CAPN3: variants seen among roughly 807,000 people sequenced by gnomAD.
CAPN3 encodes the protein calpain 3.
A neutral mutation model predicts 114.0 loss-of-function variants in CAPN3; 88 were observed. That is an observed-to-expected ratio of 0.77 (90% confidence interval 0.65 to 0.92). The LOEUF is 0.92. Among genes scored for constraint, CAPN3 ranks in the 40% least tolerant of loss-of-function variants. CAPN3 has a pLI of 0.00. For synonymous variants in CAPN3, 386 were observed against 382.9 expected, an observed-to-expected ratio of 1.01 and a Z score of -0.09; for missense variants, 1,028 against 1,069.0, an observed-to-expected ratio of 0.96 and a Z score of 0.53.
intron 6 of CAPN3, among the ~76,000 whole-genome samples, chr15:42,391,470 GGACTGAGATCTGGAAGA>G (rs1463070609): frequency 6.6e-6 from 1 of 152,148 alleles, no homozygotes; most frequent in East Asian, 1.9e-4. Context: ...TGGATCATGA[GGACTGAGATCTGGAAGA>G]GACTGAGATC....
chr15:42,399,754 T>C (rs1367253892), intron 10 of CAPN3, 102 bp downstream of exon 10: 1 of 1,029,566 alleles, frequency 9.7e-7, no homozygotes, highest in Non-Finnish European at 1.4e-6. Context: ...AGACGTCCAC[T>C]ATCTTATTAA....
intron 3 of CAPN3, among the ~76,000 whole-genome samples, chr15:42,387,408 G>T (rs759814613): frequency 2.0e-5 from 3 of 152,200 alleles, no homozygotes; most frequent in Non-Finnish European, 4.4e-5. Context: ...GGGGGCACCT[G>T]AGAGTGCTGA....
At chr15:42,406,064 C>G in intron 15 of CAPN3, 121 bp downstream of exon 15, 1 of 886,862 alleles carries the variant, frequency 1.1e-6, no homozygotes, top group Admixed American at 1.8e-5. Context: ...CTTCCTCCCC[C>G]TCCTTCCTGA....
intron 10 of CAPN3, among the ~76,000 whole-genome samples, 156 bp from the exon 11 acceptor site, chr15:42,401,485 C>CCCCT (rs1555422043): frequency 7.1e-5 from 9 of 127,114 alleles, no homozygotes; most frequent in African/African-American, 2.8e-4. Context: ...CCCCCCCCCC[C>CCCCT]CCAAATCATT....
At chr15:42,365,650 C>A (rs1429880942) in intron 1 of CAPN3, among the ~76,000 whole-genome samples, 1 of 152,178 alleles carries the variant, frequency 6.6e-6, no homozygotes, top group African/African-American at 2.4e-5. Flanking sequence ...GGGCCCCACC[C>A]GTTCCCAGCT....
chr15:42,383,672 T>A (rs2053307325), intron 1 of CAPN3, among the ~76,000 whole-genome samples: 1 of 151,646 alleles, frequency 6.6e-6, no homozygotes, highest in Non-Finnish European at 1.5e-5. Context: ...ATTATTATTA[T>A]TATTATTTTG....
intron 1 of CAPN3, among the ~76,000 whole-genome samples, chr15:42,382,829 G>GAA (rs1440675043): frequency 6.6e-6 from 1 of 152,136 alleles, no homozygotes; most frequent in Non-Finnish European, 1.5e-5. Flanking sequence ...ATTTTTCTGT[G>GAA]AATGGTTATG....
rs35924291 is a variant in CAPN3 at position 42,401,473 on chromosome 15, G to GC, written c.1355-154dup. 5.9e-3 allele frequency among the ~76,000 whole-genome samples: 429 copies of GC among 72,834 alleles called. 18 individuals are homozygous for GC. Among genetic ancestry groups the GC allele is most frequent in the South Asian group, 0.011 (15 of 1,312 alleles). The allele number at this position is 72,834 out of a possible 152,430, so 47.8% of individuals were successfully genotyped here. ...ACAGCTCCATCTGAATAAAGGTAGC[G>GC]CCCCCCCCCCCCCCAAATCATTAGA... On this transcript the variant is annotated intron_variant, in intron 10 of 23. Transcript: ENST00000397163.
chr15:42,398,635 A>ATG (rs2053773294), intron 9 of CAPN3, among the ~76,000 whole-genome samples: 1 of 142,744 alleles, frequency 7.0e-6, no homozygotes, highest in African/African-American at 2.6e-5. Context: ...ACACACACAC[A>ATG]TATATATACA....
intron 20 of CAPN3, 38 bp downstream of exon 20, chr15:42,410,534 G>T: frequency 6.2e-7 from 1 of 1,612,414 alleles, no homozygotes; most frequent in Non-Finnish European, 8.5e-7. Context: ...TCAAGAATGG[G>T]GTTGATTTGG....
intron 1 of CAPN3, among the ~76,000 whole-genome samples, chr15:42,375,716 G>A (rs1329293081): frequency 6.6e-6 from 1 of 152,190 alleles, no homozygotes; most frequent in East Asian, 1.9e-4. Context: ...AGATGGTACA[G>A]AGTTCTCATA....
At chr15:42,397,456 A>G (rs2053729580) in intron 9 of CAPN3, among the ~76,000 whole-genome samples, 1 of 152,128 alleles carries the variant, frequency 6.6e-6, no homozygotes, top group Admixed American at 6.5e-5. Context: ...CTTGGCTAAC[A>G]CGGTGAAACC....
intron 6 of CAPN3, among the ~76,000 whole-genome samples, chr15:42,390,389 G>C (rs1354650804): frequency 6.6e-6 from 1 of 152,126 alleles, no homozygotes; most frequent in Non-Finnish European, 1.5e-5. Context: ...CATTTATTTT[G>C]AAATATTTTT....
intron 8 of CAPN3, among the ~76,000 whole-genome samples, chr15:42,395,159 C>A (rs2053657243): frequency 6.6e-6 from 1 of 152,158 alleles, no homozygotes; most frequent in Non-Finnish European, 1.5e-5. Flanking sequence ...TCTTGGGCAC[C>A]TACTACATAG....
chr15:42,404,806 G>C (rs2053973079), intron 14 of CAPN3: 1 of 1,077,152 alleles, frequency 9.3e-7, no homozygotes, highest in Non-Finnish European at 1.1e-6. Context: ...GCCAGTGCCA[G>C]GTCTCCAAGT....
At chr15:42,384,112 C>T (rs2053318712) in intron 1 of CAPN3, among the ~76,000 whole-genome samples, 1 of 151,808 alleles carries the variant, frequency 6.6e-6, no homozygotes, top group Non-Finnish European at 1.5e-5. Context: ...TAATGGAACT[C>T]AATAAATAAT....
At chr15:42,407,528 A>G (rs938263832) in intron 15 of CAPN3, among the ~76,000 whole-genome samples, 4 of 152,106 alleles carry the variant, frequency 2.6e-5, no homozygotes, top group African/African-American at 9.7e-5. Context: ...ATGGGGTTTC[A>G]CCCAGTTAGC....
rs28364422 is a variant in CAPN3 at position 42,389,701 on chromosome 15, G to A, written c.802-252G>A. Among the ~76,000 whole-genome samples the A allele has an allele frequency of 3.2e-3, 488 of 152,348 alleles. 9 individuals carry two copies. Among genetic ancestry groups the A allele is most frequent in the Admixed American group, 0.022 (338 of 15,304 alleles). Reference sequence around the variant, plus strand: ...TTCCATTGGGGAGGATGGGGCTGAAGCTGAATTCCTGCCCCTTCTTCTCCC... The same window carrying A: ...TTCCATTGGGGAGGATGGGGCTGAAACTGAATTCCTGCCCCTTCTTCTCCC... On this transcript the variant is annotated intron_variant, in intron 5 of 23. Coordinates refer to ENST00000397163, the MANE Select transcript of CAPN3 (RefSeq NM_000070.3).
At chr15:42,395,733 G>C (rs1024073830) in intron 8 of CAPN3, among the ~76,000 whole-genome samples, 1 of 152,168 alleles carries the variant, frequency 6.6e-6, no homozygotes, top group Non-Finnish European at 1.5e-5. Flanking sequence ...TGGACCCAAC[G>C]CTGTTCACTC....
Sources: allele counts gnomAD v4.1 joint callset (sites outside exome capture counted in the v4.1 genomes callset), GRCh38; gene constraint gnomAD v4.1.1; transcripts MANE v1.5; gene names NCBI Gene and HGNC (gene_info 2026-07-23, HGNC 2026-07-21).